Variants in MTUS2 observed in about 807,000 individuals in gnomAD.
MTUS2 encodes microtubule associated scaffold protein 2.
MTUS2 carries 40 observed loss-of-function variants against 114.1 expected under a neutral mutation model. That is an observed-to-expected ratio of 0.35 (90% confidence interval 0.27 to 0.46). MTUS2 has a LOEUF of 0.46. MTUS2 is among the 20% of genes least tolerant of loss of function. MTUS2 has a pLI of 1.00. For synonymous variants in MTUS2, 688 were observed against 672.0 expected, an observed-to-expected ratio of 1.02 and a Z score of -0.37; for missense variants, 1,679 against 1,705.4, an observed-to-expected ratio of 0.98 and a Z score of 0.27.
At position 29,148,660 on chromosome 13, in the gene MTUS2, A is replaced by G. The variant is rs1182830946; in HGVS notation, c.2644+47690A>G. On this transcript the variant is annotated intron_variant, in intron 5 of 15. Coordinates refer to ENST00000612955, the MANE Select transcript of MTUS2 (RefSeq NM_001033602.4). ...CGCCCGGCTAATTTTTTGTATTTTT[A>G]GTAGAGACGGGGTTTCACCGTTTTA... Among the ~76,000 whole-genome samples, 3 of 109,048 alleles carry G rather than the reference A, an allele frequency of 2.8e-5. 1 individual carries two copies. Among genetic ancestry groups the G allele is most frequent in the Admixed American group, 1.0e-4 (1 of 9,922 alleles). The allele number at this position is 109,048 out of a possible 152,430, so 71.5% of individuals were successfully genotyped here. A position where few individuals can be genotyped will look rare whatever the true frequency, so the allele number is the denominator to read the frequency against.
At chr13:29,315,451 A>G (rs576802199) in intron 6 of MTUS2, among the ~76,000 whole-genome samples, 79 of 152,346 alleles carry the variant, frequency 5.2e-4, no homozygotes, top group African/African-American at 1.7e-3. Context: ...TACAATTACT[A>G]TGTGCCAATT....
At chr13:29,301,151 C>G (rs1899187709) in intron 6 of MTUS2, among the ~76,000 whole-genome samples, 1 of 152,176 alleles carries the variant, frequency 6.6e-6, no homozygotes, top group South Asian at 2.1e-4. Flanking sequence ...GGAAAGCCCT[C>G]CAGCTTGCCC....
At chr13:29,124,407 T>G (rs1566020545) in intron 5 of MTUS2, among the ~76,000 whole-genome samples, 1 of 152,104 alleles carries the variant, frequency 6.6e-6, no homozygotes, top group East Asian at 1.9e-4. Flanking sequence ...TTGGCTACTA[T>G]TTTTTTTAAA....
intron 2 of MTUS2, among the ~76,000 whole-genome samples, chr13:28,865,081 ATGTGTGTGTCTG>A (rs1041223862): frequency 2.0e-5 from 3 of 151,980 alleles, no homozygotes; most frequent in African/African-American, 7.3e-5. Flanking sequence ...GTGTGTGTCT[ATGTGTGTGTCTG>A]TATGTATGTG....
chr13:29,301,145 A>G (rs564780517), intron 6 of MTUS2, among the ~76,000 whole-genome samples: 176 of 152,284 alleles, frequency 1.2e-3, no homozygotes, highest in African/African-American at 4.1e-3. Flanking sequence ...ATGAGGGGAA[A>G]GCCCTCCAGC....
At chr13:29,440,947 A>G (rs1019309369) in intron 9 of MTUS2, among the ~76,000 whole-genome samples, 2 of 152,202 alleles carry the variant, frequency 1.3e-5, no homozygotes, top group Non-Finnish European at 2.9e-5. Context: ...AGATCCAAGC[A>G]TAGCTTTCCC....
chr13:29,040,650 C>G (rs1020799004), intron 4 of MTUS2, among the ~76,000 whole-genome samples: 2 of 152,148 alleles, frequency 1.3e-5, no homozygotes, highest in Admixed American at 6.5e-5. Context: ...TTGATTATGG[C>G]ATTCTTGCAG....
At chr13:29,307,860 C>G in intron 6 of MTUS2, 1 of 616,716 alleles carries the variant, frequency 1.6e-6, no homozygotes. Flanking sequence ...ACACTTAGTC[C>G]CCCTCCACAC....
At chr13:29,128,616 T>C (rs74935153) in intron 5 of MTUS2, among the ~76,000 whole-genome samples, 2,996 of 152,316 alleles carry the variant, frequency 0.02, 106 homozygotes, top group African/African-American at 0.068. Context: ...ATGAAAAATA[T>C]AATTTCCCAA....
rs1434262655 is a variant in MTUS2 at position 29,102,011 on chromosome 13, G to A, written c.2644+1041G>A. The stretch of plus-strand genomic sequence containing the variant: ...GTGTTTGTAAGCAGTTTCTAAGGGT[G>A]TTTTATTTGCTCTGTTGGTTTCCTG... On this transcript the variant is annotated intron_variant, in intron 5 of 15. Coordinates refer to ENST00000612955, the MANE Select transcript of MTUS2 (RefSeq NM_001033602.4). 2.0e-5 allele frequency among the ~76,000 whole-genome samples: 3 copies of A among 152,280 alleles called. No homozygotes were observed. In the East Asian group the frequency reaches 5.8e-4, roughly 29 times the overall value.
intron 2 of MTUS2, among the ~76,000 whole-genome samples, chr13:28,996,090 C>G (rs903223599): frequency 3.7e-4 from 57 of 152,170 alleles, no homozygotes; most frequent in African/African-American, 1.1e-3. Flanking sequence ...CTCATTTATT[C>G]AGAGTTTTTA....
At chr13:29,468,910 G>C (rs538931026) in intron 9 of MTUS2, among the ~76,000 whole-genome samples, 1 of 152,274 alleles carries the variant, frequency 6.6e-6, no homozygotes, top group African/African-American at 2.4e-5. Context: ...TGTAATTGAA[G>C]CTTATCTCTT....
At chr13:28,901,128 T>C (rs1422056094) in intron 2 of MTUS2, among the ~76,000 whole-genome samples, 1 of 152,228 alleles carries the variant, frequency 6.6e-6, no homozygotes, top group Non-Finnish European at 1.5e-5. Flanking sequence ...TGAAGAATGA[T>C]GTTGAGCATC....
intron 9 of MTUS2, among the ~76,000 whole-genome samples, chr13:29,447,119 T>TA (rs58143232): frequency 0.12 from 17,852 of 151,542 alleles, 1,769 homozygotes; most frequent in African/African-American, 0.28. Flanking sequence ...TATTCCAAAA[T>TA]AAAAAAAAAT....
Position 29,269,020 on chromosome 13 carries a change from C to A in MTUS2, c.2645-12684C>A, listed in dbSNP as rs373701608. Among the ~76,000 whole-genome samples, 23 of 152,250 alleles carry A rather than the reference C, an allele frequency of 1.5e-4. No homozygotes were observed. The East Asian group carries it at 2.9e-3, about 19-fold the overall frequency. On this transcript the variant is annotated intron_variant, in intron 5 of 15. Transcript: ENST00000612955. ...ATGCTATTTTATATTTATTGTCTAT[C>A]CCCAACTACAAGAATATGAGCTCCA...
intron 2 of MTUS2, among the ~76,000 whole-genome samples, chr13:28,995,115 A>C (rs1041870015): frequency 1.1e-4 from 17 of 152,216 alleles, no homozygotes; most frequent in Admixed American, 1.1e-3. Flanking sequence ...AGCTTTCTAC[A>C]TATGGCTAGC....
At chr13:29,198,173 G>A (rs1014342185) in intron 5 of MTUS2, among the ~76,000 whole-genome samples, 3 of 152,102 alleles carry the variant, frequency 2.0e-5, no homozygotes, top group Admixed American at 1.3e-4. Context: ...TATTGCCTAG[G>A]TTTTCTTCTA....
chr13:29,091,169 C>T (rs1176915518), intron 4 of MTUS2, among the ~76,000 whole-genome samples: 1 of 152,060 alleles, frequency 6.6e-6, no homozygotes, highest in Non-Finnish European at 1.5e-5. Flanking sequence ...TGGCAGTCTA[C>T]TCAATAGGTT....
At chr13:28,928,088 G>GCAAAA (rs1259052791) in intron 2 of MTUS2, among the ~76,000 whole-genome samples, 1 of 152,088 alleles carries the variant, frequency 6.6e-6, no homozygotes, top group Non-Finnish European at 1.5e-5. Context: ...CTCACCATAT[G>GCAAAA]CAAAAATCAA....
Sources: gnomAD v4.1 joint callset for allele counts (sites outside exome capture counted in the v4.1 genomes callset) on GRCh38, gnomAD v4.1.1 for gene constraint, MANE v1.5 for transcripts, NCBI Gene and HGNC (gene_info 2026-07-23, HGNC 2026-07-21) for gene names.